The following NEK10 variants were observed in gnomAD, a reference collection of about 807,000 sequenced individuals.
The protein encoded by NEK10 is NIMA related kinase 10.
In NEK10, 122 loss-of-function variants were observed where a neutral mutation model predicts 159.8. The observed-to-expected ratio is 0.76, with a 90% CI of 0.66 to 0.89. The LOEUF (loss-of-function observed/expected upper bound fraction) is 0.89. Ranked by LOEUF, NEK10 falls within the 40% of genes least tolerant of loss-of-function variation. NEK10 has a pLI of 0.00. For missense variants in NEK10, 1,342 were observed against 1,323.1 expected (o/e 1.01, Z -0.22); for synonymous variants, 466 against 457.1 (o/e 1.02, Z -0.25).
In NEK10 at chr3:27,108,585, G is replaced by A. The variant is rs1468063066; in HGVS notation, c.*2687C>T. On this transcript the variant is annotated 3_prime_UTR_variant, in exon 36 of 36. Coordinates refer to ENST00000691995, the MANE Select transcript of NEK10 (RefSeq NM_001394966.1). The stretch of plus-strand genomic sequence containing the variant: ...CTATTCCATGCAAATATTCAGTTAC[G>A]GAAATTAGGTGCATTCATAGGAATT... Among the ~76,000 whole-genome samples the A allele has an allele frequency of 5.3e-5, 8 of 152,078 alleles. No individual in the cohort carries two copies. The highest frequency in any genetic ancestry group is 1.3e-4 in the Admixed American group (2 of 15,262).
chr3:27,211,218 T>C (rs1450128493), intron 23 of NEK10, among the ~76,000 whole-genome samples: 1 of 152,200 alleles, frequency 6.6e-6, no homozygotes, highest in Non-Finnish European at 1.5e-5. Flanking sequence ...CATTCCAATT[T>C]ATGTAGAATC....
intron 3 of NEK10, among the ~76,000 whole-genome samples, chr3:27,348,440 C>G (rs1174366312): frequency 2.0e-5 from 3 of 152,160 alleles, no homozygotes; most frequent in Non-Finnish European, 4.4e-5. Context: ...GTTGCAAAGA[C>G]CAGGAACCTA....
intron 26 of NEK10, among the ~76,000 whole-genome samples, chr3:27,177,564 A>G (rs1947647143): frequency 6.6e-6 from 1 of 151,792 alleles, no homozygotes; most frequent in Non-Finnish European, 1.5e-5. Flanking sequence ...AAATATATAT[A>G]TATTTCTATA....
chr3:27,124,152 G>C (rs190880371), intron 32 of NEK10, among the ~76,000 whole-genome samples: 1 of 152,060 alleles, frequency 6.6e-6, no homozygotes, highest in East Asian at 1.9e-4. Flanking sequence ...TACAAGTAAG[G>C]GGGGCCTGGA....
At chr3:27,284,118 G>A (rs1016270103) in intron 22 of NEK10, among the ~76,000 whole-genome samples, 9 of 152,256 alleles carry the variant, frequency 5.9e-5, no homozygotes, top group Admixed American at 2.6e-4. Context: ...GGGCATTGGG[G>A]CTCACACCTG....
intron 5 of NEK10, among the ~76,000 whole-genome samples, chr3:27,337,033 G>T (rs575016793): frequency 6.6e-6 from 1 of 151,860 alleles, no homozygotes; most frequent in Admixed American, 6.6e-5. Context: ...CATTTGGCGG[G>T]GGGGAAAGGA....
At chr3:27,138,814 A>G (rs1943488235) in intron 31 of NEK10, among the ~76,000 whole-genome samples, 1 of 152,234 alleles carries the variant, frequency 6.6e-6, no homozygotes, top group African/African-American at 2.4e-5. Context: ...ATCACAATTA[A>G]TCAGGTTATC....
intron 22 of NEK10, 55 bp from the exon 23 acceptor site, chr3:27,256,426 G>T: frequency 9.2e-7 from 1 of 1,084,992 alleles, no homozygotes; most frequent in African/African-American, 1.7e-5. Flanking sequence ...AGTTATCATT[G>T]TTCCTTAGCA....
rs1229722748 is a variant in NEK10, at chr3:27,304,926, C to T, written c.849G>A (p.Val283=). The T allele has an allele frequency of 2.5e-6, 4 of 1,613,526 alleles. No individual in the cohort carries two copies. Among genetic ancestry groups the T allele is most frequent in the Non-Finnish European group, 3.4e-6 (4 of 1,179,774 alleles). Residue 283 remains valine (V), a synonymous_variant, in exon 12 of 36, where the codon GTG becomes GTA. Transcript: ENST00000691995. ...CCTCATAGAGCTTCACCTGCTCTTT[C>T]ACCTGGGGCTCTGCACAAAGTAGGC... The part of the protein sequence containing the change: ...LLRLLCAEPQ[V]KEQVKLYEGI...
In NEK10 at chr3:27,143,430, T is replaced by A. The variant is rs777757643; in HGVS notation, c.2870-1848A>T. ...ATGACATTTTGAATGGGATATCACA[T>A]AGGTTTGACTCTACCTTGCCACAAG... On this transcript the variant is annotated intron_variant, in intron 30 of 35. Coordinates refer to ENST00000691995, the MANE Select transcript of NEK10 (RefSeq NM_001394966.1). 33 of 757,638 alleles carry A rather than the reference T, an allele frequency of 4.4e-5. No individual in the cohort carries two copies. In the East Asian group the frequency reaches 8.1e-4, roughly 19 times the overall value. 46.9% of individuals were successfully genotyped at this position (757,638 alleles called of 1,614,324 possible).
chr3:27,157,276 C>T (rs1242773064), intron 30 of NEK10, among the ~76,000 whole-genome samples: 1 of 151,320 alleles, frequency 6.6e-6, no homozygotes, highest in East Asian at 2.0e-4. Context: ...CAAATCACCA[C>T]TAAAGAATTG....
At chr3:27,282,559 T>C (rs143947165) in intron 22 of NEK10, among the ~76,000 whole-genome samples, 2,046 of 86,736 alleles carry the variant, frequency 0.024, 90 homozygotes, top group African/African-American at 0.076. Context: ...TATATATATA[T>C]ACATAACTGT....
chr3:27,153,710 G>A (rs192007507), intron 30 of NEK10, among the ~76,000 whole-genome samples: 36 of 152,274 alleles, frequency 2.4e-4, no homozygotes, highest in Non-Finnish European at 4.4e-4. Context: ...AATGAGCAAT[G>A]GGTCAGAAAC....
intron 1 of NEK10, among the ~76,000 whole-genome samples, chr3:27,368,243 G>A (rs555925742): frequency 3.4e-4 from 52 of 152,182 alleles, no homozygotes; most frequent in African/African-American, 1.3e-3. Context: ...AGTGAGCTGA[G>A]ATCGCTCCAC....
At chr3:27,227,591 C>A (rs866287061) in intron 23 of NEK10, among the ~76,000 whole-genome samples, 2 of 152,156 alleles carry the variant, frequency 1.3e-5, no homozygotes, top group Non-Finnish European at 2.9e-5. Context: ...CTCTGCTGTT[C>A]CCTACTGACA....
intron 23 of NEK10, among the ~76,000 whole-genome samples, chr3:27,232,528 A>G (rs1953409627): frequency 6.6e-6 from 1 of 151,528 alleles, no homozygotes; most frequent in Non-Finnish European, 1.5e-5. Flanking sequence ...CCATCAAAAT[A>G]TCATCATCAT....
chr3:27,146,006 C>T (rs1258775482), intron 30 of NEK10, among the ~76,000 whole-genome samples: 1 of 152,144 alleles, frequency 6.6e-6, no homozygotes, highest in Non-Finnish European at 1.5e-5. Context: ...ATATCTCCTT[C>T]CCATAATGAA....
chr3:27,123,952 A>C (rs1941634210), intron 32 of NEK10, among the ~76,000 whole-genome samples: 1 of 151,988 alleles, frequency 6.6e-6, no homozygotes, highest in South Asian at 2.1e-4. Context: ...GGGTGAACAG[A>C]AGGGCAGGAG....
intron 5 of NEK10, among the ~76,000 whole-genome samples, chr3:27,341,515 GA>G (rs942173465): frequency 1.3e-5 from 2 of 152,022 alleles, no homozygotes; most frequent in African/African-American, 4.8e-5. Context: ...ATTATAAAAG[GA>G]TTTTTTTAAA....
Sources: allele counts gnomAD v4.1 joint callset (sites outside exome capture counted in the v4.1 genomes callset), GRCh38; gene constraint gnomAD v4.1.1; transcripts MANE v1.5; gene names NCBI Gene and HGNC (gene_info 2026-07-23, HGNC 2026-07-21).